The following AAK1 variants were observed in gnomAD, a reference collection of about 807,000 sequenced individuals.
AAK1 encodes the protein AP2-associated protein kinase 1.
Under a neutral mutation model 116.0 loss-of-function variants are expected in AAK1, and 37 were observed. The observed-to-expected ratio is 0.32, with a 90% CI of 0.25 to 0.42. The LOEUF is 0.42. Ranked by LOEUF, AAK1 falls within the 10% of genes least tolerant of loss-of-function variation. The pLI is 1.00. For missense variants in AAK1, 919 were observed against 1,170.6 expected (o/e 0.79, Z 3.14); for synonymous variants, 458 against 439.9 (o/e 1.04, Z -0.51).
chr2:69,595,262 AC>A (rs1336366246), intron 2 of AAK1, among the ~76,000 whole-genome samples: 24 of 152,188 alleles, frequency 1.6e-4, no homozygotes, highest in South Asian at 1.5e-3. Context: ...ACAGGCACGC[AC>A]CACCACACCT....
At chr2:69,600,154 G>A (rs948308229) in intron 2 of AAK1, among the ~76,000 whole-genome samples, 1 of 152,038 alleles carries the variant, frequency 6.6e-6, no homozygotes, top group Non-Finnish European at 1.5e-5. Context: ...ATGCCAAGCA[G>A]TATGTTTCCT....
rs899781202 is a variant in AAK1, at chr2:69,472,921, G to A, written c.*2948C>T. The A allele has an allele frequency of 2.0e-6, 2 of 985,620 alleles. No homozygotes were observed. The highest frequency in any genetic ancestry group is 2.4e-6 in the Non-Finnish European group (2 of 829,808). The allele number at this position is 985,620 out of a possible 1,614,324, so 61.1% of individuals were successfully genotyped here. A position where few individuals can be genotyped will look rare whatever the true frequency, so the allele number is the denominator to read the frequency against. ...TATTCAGATAATCAAGAAAGAGCAA[G>A]TTAGTAAAAGCCCATTATAATTCTT... On this transcript the variant is annotated 3_prime_UTR_variant, in exon 22 of 22. Transcript: ENST00000409085.
chr2:69,601,024 T>C (rs1331556160), intron 2 of AAK1, among the ~76,000 whole-genome samples: 1 of 152,236 alleles, frequency 6.6e-6, no homozygotes, highest in Non-Finnish European at 1.5e-5. Flanking sequence ...AATTCAGGTA[T>C]GTACATTTTT....
chr2:69,463,323 C>G lies in AAK1; in HGVS notation c.*12546G>C, dbSNP rs1209017432. ...TTTCCAGTGAGTTGAACTGCCTTAG[C>G]AGAAATCTTCCCATTGAGATACAGG... is the stretch of plus-strand genomic sequence containing the variant. On this transcript the variant is annotated 3_prime_UTR_variant, in exon 22 of 22. Coordinates refer to ENST00000409085, the MANE Select transcript of AAK1 (RefSeq NM_014911.5). 1 of 148,650 alleles carries G rather than the reference C, an allele frequency of 6.7e-6. No individual in the cohort carries two copies. Among genetic ancestry groups the G allele is most frequent in the Non-Finnish European group, 1.5e-5 (1 of 68,010 alleles). The allele number at this position is 148,650 out of a possible 1,614,324, so 9.2% of individuals were successfully genotyped here. A position where few individuals can be genotyped will look rare whatever the true frequency, so the allele number is the denominator to read the frequency against.
At chr2:69,533,814 C>A (rs984460751) in intron 5 of AAK1, among the ~76,000 whole-genome samples, 5 of 152,158 alleles carry the variant, frequency 3.3e-5, no homozygotes, top group Admixed American at 2.6e-4. Flanking sequence ...CATCAACCTG[C>A]ACAGGTATGT....
At chr2:69,542,486 G>A (rs1670762471) in intron 5 of AAK1, 37 bp downstream of exon 5, 2 of 1,611,714 alleles carry the variant, frequency 1.2e-6, no homozygotes, top group East Asian at 4.5e-5. Context: ...AGAAAATATT[G>A]AGTAGAATGC....
chr2:69,570,075 A>T (rs980501351), intron 2 of AAK1, among the ~76,000 whole-genome samples: 1 of 152,128 alleles, frequency 6.6e-6, no homozygotes, highest in African/African-American at 2.4e-5. Context: ...ACGTGATTGT[A>T]CCATTGTATA....
At chr2:69,591,317 C>A (rs1673015187) in intron 2 of AAK1, among the ~76,000 whole-genome samples, 1 of 152,038 alleles carries the variant, frequency 6.6e-6, no homozygotes, top group South Asian at 2.1e-4. Flanking sequence ...GTCTACTGAC[C>A]AACACCACTG....
intron 5 of AAK1, among the ~76,000 whole-genome samples, chr2:69,535,945 C>T (rs759484889): frequency 3.3e-5 from 5 of 152,200 alleles, no homozygotes; most frequent in Non-Finnish European, 7.3e-5. Flanking sequence ...ATAACAGTAG[C>T]AACTAACAGC....
chr2:69,476,076 AC>A, intron 21 of AAK1, 113 bp from the exon 22 acceptor site: 5 of 1,470,402 alleles, frequency 3.4e-6, no homozygotes, highest in Non-Finnish European at 4.5e-6. Context: ...ACAAAAAAAA[AC>A]CAAAAAAACC....
intron 2 of AAK1, among the ~76,000 whole-genome samples, chr2:69,559,866 A>G (rs1013903689): frequency 4.6e-5 from 7 of 152,218 alleles, no homozygotes; most frequent in Admixed American, 4.6e-4. Context: ...GCAATTTGAG[A>G]TAACTACCAC....
intron 17 of AAK1, among the ~76,000 whole-genome samples, chr2:69,492,634 T>A (rs920443628): frequency 1.3e-5 from 2 of 148,772 alleles, no homozygotes; most frequent in African/African-American, 5.0e-5. Flanking sequence ...GCAATTCTCC[T>A]GTCTCAGTCT....
chr2:69,602,176 A>C (rs1421634802), intron 2 of AAK1, among the ~76,000 whole-genome samples: 1 of 152,258 alleles, frequency 6.6e-6, no homozygotes, highest in Non-Finnish European at 1.5e-5. Flanking sequence ...GTTCCAGATT[A>C]AAAGAGATTT....
intron 13 of AAK1, among the ~76,000 whole-genome samples, chr2:69,511,540 T>C (rs182401940): frequency 6.6e-6 from 1 of 152,296 alleles, no homozygotes; most frequent in East Asian, 1.9e-4. Context: ...GGCTGAATAC[T>C]ACCACACATA....
At chr2:69,624,088 A>T (rs1221232631) in intron 2 of AAK1, among the ~76,000 whole-genome samples, 1 of 152,144 alleles carries the variant, frequency 6.6e-6, no homozygotes, top group Non-Finnish European at 1.5e-5. Flanking sequence ...TAGAGGAGAA[A>T]GGGAGAGAGG....
Position 69,465,596 on chromosome 2 carries a change from T to C in AAK1, c.*10273A>G. The C allele has an allele frequency of 7.7e-7, 1 of 1,291,014 alleles. No homozygotes were observed. The highest frequency in any genetic ancestry group is 1.5e-5 in the African/African-American group (1 of 65,990). 80.0% of individuals were successfully genotyped at this position (1,291,014 alleles called of 1,614,324 possible). On this transcript the variant is annotated 3_prime_UTR_variant, in exon 22 of 22. Transcript: ENST00000409085. ...CAGCAATGGGCTGGGCTTCTGGACT[T>C]GGCTCGTCTTCTGGGCTATAGTGAC... is the stretch of plus-strand genomic sequence containing the variant.
At chr2:69,512,344 A>G (rs2104976171) in intron 13 of AAK1, among the ~76,000 whole-genome samples, 1 of 152,290 alleles carries the variant, frequency 6.6e-6, no homozygotes, top group African/African-American at 2.4e-5. Context: ...GTCTCTTTTC[A>G]AGTGTATAGT....
At chr2:69,605,958 T>C (rs1673779898) in intron 2 of AAK1, among the ~76,000 whole-genome samples, 1 of 152,198 alleles carries the variant, frequency 6.6e-6, no homozygotes, top group Non-Finnish European at 1.5e-5. Flanking sequence ...CCAGAGCTAC[T>C]GTTCAGCCCA....
At chr2:69,557,098 C>A in intron 2 of AAK1, 120 bp from the exon 3 acceptor site, 1 of 701,668 alleles carries the variant, frequency 1.4e-6, no homozygotes, top group Non-Finnish European at 2.6e-6. Flanking sequence ...TGCCAGCCAG[C>A]CTTTAGGGCT....
Sources: allele counts gnomAD v4.1 joint callset (sites outside exome capture counted in the v4.1 genomes callset), GRCh38; gene constraint gnomAD v4.1.1; transcripts MANE v1.5; gene names NCBI Gene and HGNC (gene_info 2026-07-23, HGNC 2026-07-21).